The following LEMD3 variants were observed in gnomAD, a reference collection of about 807,000 sequenced individuals.
LEMD3 encodes the protein inner nuclear membrane protein Man1.
Under a neutral mutation model 95.2 loss-of-function variants are expected in LEMD3, and 33 were observed. The ratio of observed to expected loss-of-function variants is 0.35; its 90% CI spans 0.26 to 0.46. LEMD3 has a LOEUF of 0.46. Among genes scored for constraint, LEMD3 ranks in the 20% least tolerant of loss-of-function variants. LEMD3 has a pLI of 1.00. For synonymous variants in LEMD3, 525 were observed against 474.6 expected, an observed-to-expected ratio of 1.11 and a Z score of -1.38; for missense variants, 1,210 against 1,192.8, an observed-to-expected ratio of 1.01 and a Z score of -0.21.
intron 1 of LEMD3, among the ~76,000 whole-genome samples, chr12:65,173,397 G>A (rs1392300877): frequency 6.6e-6 from 1 of 152,174 alleles, no homozygotes; most frequent in Admixed American, 6.5e-5. Context: ...AGGAAGGAAG[G>A]AAATTATATT....
chr12:65,210,917 C>A lies in LEMD3; in HGVS notation c.1523-9C>A. On this transcript the variant is annotated splice_polypyrimidine_tract_variant and intron_variant, in intron 1 of 12. Coordinates refer to ENST00000308330, the MANE Select transcript of LEMD3 (RefSeq NM_014319.5). ...TGCTAATACTTGTCTTTTTTTCCTTCCTTGATAGTAGAAAACCCCTTTGGT... is the reference window on the plus strand; with the variant it reads ...TGCTAATACTTGTCTTTTTTTCCTTACTTGATAGTAGAAAACCCCTTTGGT... 1 of 1,584,938 alleles carries A rather than the reference C, an allele frequency of 6.3e-7. No individual in the cohort carries two copies. The highest frequency in any genetic ancestry group is 8.7e-7 in the Non-Finnish European group (1 of 1,153,536).
intron 7 of LEMD3, 24 bp downstream of exon 7, chr12:65,240,054 A>G (rs1870886147): frequency 6.4e-7 from 1 of 1,554,694 alleles, no homozygotes; most frequent in Non-Finnish European, 8.9e-7. Context: ...AAGAATCTCA[A>G]CTATTTCTAG....
intron 2 of LEMD3, among the ~76,000 whole-genome samples, chr12:65,213,553 T>A (rs928433136): frequency 6.6e-6 from 1 of 152,180 alleles, no homozygotes; most frequent in Non-Finnish European, 1.5e-5. Flanking sequence ...GAAAGATAAT[T>A]CTTGTAAAAA....
intron 2 of LEMD3, among the ~76,000 whole-genome samples, chr12:65,215,046 C>T (rs1299496962): frequency 6.6e-6 from 1 of 152,168 alleles, no homozygotes; most frequent in Non-Finnish European, 1.5e-5. Flanking sequence ...TTTTACTCTC[C>T]TGCTAAATTT....
chr12:65,209,455 T>C (rs1167447607), intron 1 of LEMD3, among the ~76,000 whole-genome samples: 1 of 152,142 alleles, frequency 6.6e-6, no homozygotes, highest in Non-Finnish European at 1.5e-5. Context: ...TTTGGCCAAA[T>C]GACAAGGCAT....
rs1327139354 is a variant in LEMD3 at position 65,170,389 on chromosome 12, G to A, written c.793G>A (p.Asp265Asn). ...AAACTATTCGGACTCAGAGGAAGAG[G>A]ACGACGACGACGTGGCCTCCAGCAG... ...RENYSDSEEE[D>N]DDDVASSRQV... Residue 265 changes from aspartate (D) to asparagine (N), a missense_variant, in exon 1 of 13, where the codon GAC becomes AAC. Physicochemically the swap from Asp to Asn is conservative, Grantham distance 23. Transcript: ENST00000308330. 1.9e-6 allele frequency: 3 copies of A among 1,614,000 alleles called. No individual in the cohort carries two copies. The highest frequency in any genetic ancestry group is 2.5e-6 in the Non-Finnish European group (3 of 1,179,934).
At position 65,241,040 on chromosome 12, in the gene LEMD3, C is replaced by T; in HGVS notation, c.2258C>T (p.Ser753Phe). 1 of 1,613,978 alleles carries T rather than the reference C, an allele frequency of 6.2e-7. No individual in the cohort carries two copies. The highest frequency in any genetic ancestry group is 1.1e-5 in the South Asian group (1 of 91,078). Reference sequence around the variant, plus strand: ...TGGCGGTGGATCCAGCCTTCTGCATCCTGTGACAAAATATTAGTTATACCT... The same window carrying T: ...TGGCGGTGGATCCAGCCTTCTGCATTCTGTGACAAAATATTAGTTATACCT... ...LVWRWIQPSASCDKILVIPSK... is the reference protein window; with the variant it reads ...LVWRWIQPSAFCDKILVIPSK... Residue 753 changes from serine to phenylalanine, a missense_variant, in exon 9 of 13, where the codon TCC (serine) becomes TTC (phenylalanine). By Grantham distance (155) the Ser-to-Phe change is radical (BLOSUM62 -2). Coordinates refer to ENST00000308330, the MANE Select transcript of LEMD3 (RefSeq NM_014319.5).
chr12:65,192,556 A>G (rs371847197), intron 1 of LEMD3, among the ~76,000 whole-genome samples: 3 of 152,198 alleles, frequency 2.0e-5, no homozygotes, highest in East Asian at 3.9e-4. Flanking sequence ...AACCAAAAAC[A>G]TGTCTTACTT....
chr12:65,170,229 G>A lies in LEMD3; in HGVS notation c.633G>A (p.Pro211=). 1 of 1,516,550 alleles carries A rather than the reference G, an allele frequency of 6.6e-7. No individual in the cohort carries two copies. Among genetic ancestry groups the A allele is most frequent in the Non-Finnish European group, 8.8e-7 (1 of 1,129,986 alleles). The allele number at this position is 1,516,550 out of a possible 1,614,324, so 93.9% of individuals were successfully genotyped here. A position where few individuals can be genotyped will look rare whatever the true frequency, so the allele number is the denominator to read the frequency against. ...RPAGPELQTP[P]GKDGAVEDEE... Reference sequence around the variant, plus strand: ...CGGGCCCCGAGCTGCAGACCCCGCCGGGGAAAGATGGAGCAGTGGAGGACG... The same window carrying A: ...CGGGCCCCGAGCTGCAGACCCCGCCAGGGAAAGATGGAGCAGTGGAGGACG... The change falls in exon 1 of 13, where the codon CCG becomes CCA. Residue 211 remains proline, a synonymous_variant. Transcript: ENST00000308330.
rs189002542 is a variant in LEMD3, at chr12:65,212,682, G to C, written c.1560+1719G>C. ...TCCAAAATGAAAAACAATAGTCTGG[G>C]CCTTACTAAAACACAATTAGAAAGT... On this transcript the variant is annotated intron_variant, in intron 2 of 12. Transcript: ENST00000308330. Among the ~76,000 whole-genome samples, 299 of 152,218 alleles carry C rather than the reference G, an allele frequency of 2.0e-3. 1 individual carries two copies. Among genetic ancestry groups the C allele is most frequent in the African/African-American group, 7.0e-3 (290 of 41,536 alleles).
At chr12:65,243,307 T>A (rs1870989693) in intron 9 of LEMD3, 81 bp from the exon 10 acceptor site, 1 of 882,802 alleles carries the variant, frequency 1.1e-6, no homozygotes, top group South Asian at 1.3e-5. Flanking sequence ...CAGTGAATAT[T>A]TTTTGAATGA....
At chr12:65,226,352 T>A (rs1299455759) in intron 4 of LEMD3, among the ~76,000 whole-genome samples, 1 of 152,148 alleles carries the variant, frequency 6.6e-6, no homozygotes. Flanking sequence ...TACAGGTGGT[T>A]TTGTGCTTGC....
chr12:65,202,463 C>G (rs886585664), intron 1 of LEMD3, among the ~76,000 whole-genome samples: 1 of 151,848 alleles, frequency 6.6e-6, no homozygotes, highest in Non-Finnish European at 1.5e-5. Context: ...TTGTAATATA[C>G]TGTTCTTGTT....
intron 1 of LEMD3, among the ~76,000 whole-genome samples, chr12:65,209,472 G>A (rs1184754828): frequency 1.3e-5 from 2 of 151,720 alleles, no homozygotes; most frequent in Non-Finnish European, 2.9e-5. Flanking sequence ...GCATTTTTTT[G>A]GTAGTACGTT....
chr12:65,173,949 A>G (rs943529482), intron 1 of LEMD3, among the ~76,000 whole-genome samples: 14 of 152,170 alleles, frequency 9.2e-5, no homozygotes, highest in African/African-American at 3.4e-4. Flanking sequence ...CTCCATATAT[A>G]TATACACACA....
Position 65,170,367 on chromosome 12 carries a change from C to G in LEMD3, c.771C>G (p.Asn257Lys). ...SRLVPYSCRE[N>K]YSDSEEEDDD... ...TTGTCCCCTACAGCTGCCGGGAAAA[C>G]TATTCGGACTCAGAGGAAGAGGACG... Residue 257 changes from asparagine (N) to lysine (K), a missense_variant, in exon 1 of 13, where the codon AAC becomes AAG. Physicochemically the swap from Asn to Lys is moderately conservative, Grantham distance 94 (BLOSUM62 0). This residue lies in a region of LEMD3 where 749 missense variants were observed against 622.9 expected (regional missense o/e 1.20). Coordinates refer to ENST00000308330, the MANE Select transcript of LEMD3 (RefSeq NM_014319.5). 6.2e-7 allele frequency: 1 copy of G among 1,613,242 alleles called. No homozygotes were observed. Among genetic ancestry groups the G allele is most frequent in the South Asian group, 1.1e-5 (1 of 90,958 alleles).
chr12:65,192,102 G>A (rs1248479269), intron 1 of LEMD3, among the ~76,000 whole-genome samples: 1 of 146,684 alleles, frequency 6.8e-6, no homozygotes, highest in African/African-American at 2.5e-5. Context: ...TTACACAGTT[G>A]CTTAAAAAAA....
At chr12:65,225,321 G>A (rs1467202651) in intron 4 of LEMD3, among the ~76,000 whole-genome samples, 6 of 152,046 alleles carry the variant, frequency 3.9e-5, no homozygotes. Context: ...AACAACAACA[G>A]AAATAAAAAA....
chr12:65,170,817 T>C lies in LEMD3; in HGVS notation c.1221T>C (p.Ser407=). 1 of 1,614,212 alleles carries C rather than the reference T, an allele frequency of 6.2e-7. No individual in the cohort carries two copies. The highest frequency in any genetic ancestry group is 1.1e-5 in the South Asian group (1 of 91,078). ...AFSVDSPRIY[S]NSLPPSAAVA... The stretch of plus-strand genomic sequence containing the variant: ...GTGTGGACTCCCCCAGGATTTATTC[T>C]AACAGTCTCCCTCCCAGTGCGGCGG... The change falls in exon 1 of 13, where the codon TCT becomes TCC. Residue 407 remains serine, a synonymous_variant. Transcript: ENST00000308330.
Sources: allele counts gnomAD v4.1 joint callset (sites outside exome capture counted in the v4.1 genomes callset), GRCh38; gene constraint gnomAD v4.1.1; regional missense constraint gnomAD v4.1.1; transcripts MANE v1.5; gene names NCBI Gene and HGNC (gene_info 2026-07-23, HGNC 2026-07-21).